PEAK1: variants seen among roughly 807,000 people sequenced by gnomAD.
PEAK1 encodes the protein pseudopodium enriched atypical kinase 1, also known as inactive tyrosine-protein kinase PEAK1.
A neutral mutation model predicts 124.7 loss-of-function variants in PEAK1; 54 were observed. That is an observed-to-expected ratio of 0.43 (90% CI 0.35 to 0.54). The LOEUF (loss-of-function observed/expected upper bound fraction) is 0.54. PEAK1 is among the 20% of genes least tolerant of loss of function. PEAK1 has a pLI of 0.01. For missense variants in PEAK1, 2,046 were observed against 2,134.5 expected, an observed-to-expected ratio of 0.96 and a Z score of 0.82; for synonymous variants, 719 against 760.0, an observed-to-expected ratio of 0.95 and a Z score of 0.89.
intron 5 of PEAK1, chr15:77,255,441 G>T (rs963531000): frequency 3.4e-6 from 3 of 894,598 alleles, no homozygotes; most frequent in Non-Finnish European, 4.0e-6. Context: ...AGAAAAGAAA[G>T]AAGTTACCTT....
At chr15:77,408,876 T>C (rs974093229) in intron 1 of PEAK1, among the ~76,000 whole-genome samples, 1 of 152,056 alleles carries the variant, frequency 6.6e-6, no homozygotes, top group Non-Finnish European at 1.5e-5. Context: ...TTTGCAATCA[T>C]CCTGGGCAAC....
intron 7 of PEAK1, among the ~76,000 whole-genome samples, chr15:77,162,302 T>A (rs1305729689): frequency 1.3e-5 from 2 of 151,914 alleles, no homozygotes; most frequent in Non-Finnish European, 2.9e-5. Context: ...GAGATCAGCC[T>A]GGCTAACATG....
intron 2 of PEAK1, among the ~76,000 whole-genome samples, chr15:77,289,733 G>T (rs900412863): frequency 6.6e-6 from 1 of 152,060 alleles, no homozygotes; most frequent in Non-Finnish European, 1.5e-5. Context: ...CTACTCAGGA[G>T]GCTGAGGCAG....
chr15:77,360,872 ACAAAAAT>A (rs2067844060), intron 2 of PEAK1, among the ~76,000 whole-genome samples: 1 of 152,154 alleles, frequency 6.6e-6, no homozygotes, highest in South Asian at 2.1e-4. Flanking sequence ...CTCACCCTAT[ACAAAAAT>A]CAACTCACAA....
intron 1 of PEAK1, chr15:77,403,252 A>G: frequency 1.0e-6 from 1 of 985,430 alleles, no homozygotes; most frequent in Middle Eastern, 5.2e-4. Context: ...CTATCTCCCA[A>G]TACCAACAAC....
intron 6 of PEAK1, among the ~76,000 whole-genome samples, chr15:77,225,741 T>C (rs1483880815): frequency 7.2e-6 from 1 of 138,362 alleles, no homozygotes; most frequent in Non-Finnish European, 1.5e-5. Flanking sequence ...AAGCATGAAG[T>C]TATGTAATCT....
rs768169502 is a variant in PEAK1, at chr15:77,133,523, T to C, written c.3559A>G (p.Thr1187Ala). Reference sequence around the variant, plus strand: ...TCCCAGTTGGGGTCGATATCATAGGTGGGATTAGCCATGACACAAAGACTA... The same window carrying C: ...TCCCAGTTGGGGTCGATATCATAGGCGGGATTAGCCATGACACAAAGACTA... ...ESSLCVMANP[T>A]YDIDPNWDAS... The change falls in exon 9 of 10, where the codon ACC becomes GCC. Residue 1187 changes from threonine to alanine, a missense_variant. By Grantham distance (58) the Thr-to-Ala change is moderately conservative. Coordinates refer to ENST00000682557, the MANE Select transcript of PEAK1 (RefSeq NM_001385026.1). The surrounding 1 kb of genome is among the most constrained non-coding windows in gnomAD (Gnocchi z 4.2). 1.9e-6 allele frequency: 3 copies of C among 1,614,102 alleles called. No homozygotes were observed. Among genetic ancestry groups the C allele is most frequent in the East Asian group, 2.2e-5 (1 of 44,878 alleles).
chr15:77,418,455 T>A, intron 1 of PEAK1: 1 of 985,400 alleles, frequency 1.0e-6, no homozygotes, highest in South Asian at 4.7e-5. Flanking sequence ...TTTTTTCACA[T>A]AGTTTGTGAG....
chr15:77,229,115 G>A (rs1186919158), intron 6 of PEAK1, among the ~76,000 whole-genome samples: 1 of 152,076 alleles, frequency 6.6e-6, no homozygotes, highest in African/African-American at 2.4e-5. Flanking sequence ...AGAGACTGTG[G>A]AGTACTCAAC....
chr15:77,343,706 A>C (rs1335139787), intron 2 of PEAK1, among the ~76,000 whole-genome samples: 1 of 151,946 alleles, frequency 6.6e-6, no homozygotes, highest in East Asian at 1.9e-4. Flanking sequence ...GGCTAGTCAC[A>C]AACTCCTGAC....
intron 5 of PEAK1, among the ~76,000 whole-genome samples, chr15:77,276,540 A>G (rs1186750779): frequency 6.6e-6 from 1 of 152,150 alleles, no homozygotes; most frequent in African/African-American, 2.4e-5. Context: ...TTATAGAGAA[A>G]GGAGAATTTC....
chr15:77,151,617 TTTC>T (rs1172627130), intron 8 of PEAK1, among the ~76,000 whole-genome samples: 1 of 152,162 alleles, frequency 6.6e-6, no homozygotes, highest in Non-Finnish European at 1.5e-5. Context: ...TTGCCTAGGT[TTTC>T]TTCTAGGGTT....
Position 77,114,036 on chromosome 15 carries a change from G to A in PEAK1, c.*120C>T, listed in dbSNP as rs1379766084. Reference sequence around the variant, plus strand: ...TTCTGAATAGACCCACTTGTTCACGGACAGGGATAGAGGTTTGCCTTTCTT... The same window carrying A: ...TTCTGAATAGACCCACTTGTTCACGAACAGGGATAGAGGTTTGCCTTTCTT... On this transcript the variant is annotated 3_prime_UTR_variant, in exon 10 of 10. Coordinates refer to ENST00000682557, the MANE Select transcript of PEAK1 (RefSeq NM_001385026.1). 2.8e-6 allele frequency: 3 copies of A among 1,068,560 alleles called. No individual in the cohort carries two copies. In the African/African-American group the frequency reaches 4.7e-5, roughly 17 times the overall value. The allele number at this position is 1,068,560 out of a possible 1,614,324, so 66.2% of individuals were successfully genotyped here. A position where few individuals can be genotyped will look rare whatever the true frequency, so the allele number is the denominator to read the frequency against.
intron 1 of PEAK1, among the ~76,000 whole-genome samples, chr15:77,390,717 T>G (rs1414897843): frequency 6.6e-6 from 1 of 152,180 alleles, no homozygotes; most frequent in African/African-American, 2.4e-5. Context: ...GACTATAAAT[T>G]AGACACTATT....
chr15:77,350,918 T>C, intron 2 of PEAK1: 2 of 985,420 alleles, frequency 2.0e-6, no homozygotes, highest in Non-Finnish European at 2.4e-6. Flanking sequence ...TGGCCCTCTA[T>C]TTAGAGCAAT....
intron 6 of PEAK1, among the ~76,000 whole-genome samples, chr15:77,189,383 T>C (rs2057715920): frequency 6.6e-6 from 1 of 152,196 alleles, no homozygotes; most frequent in Admixed American, 6.5e-5. Context: ...TATAGCTTCA[T>C]GGCATCTGGA....
chr15:77,285,777 C>T (rs1463320444), intron 3 of PEAK1, among the ~76,000 whole-genome samples: 2 of 152,044 alleles, frequency 1.3e-5, no homozygotes, highest in Non-Finnish European at 2.9e-5. Flanking sequence ...GGCTAGCGGT[C>T]TATTTTGCTG....
At chr15:77,352,572 T>A in intron 2 of PEAK1, 2 of 943,780 alleles carry the variant, frequency 2.1e-6, no homozygotes, top group South Asian at 4.9e-5. Flanking sequence ...TGTCATTTTT[T>A]AATATATATA....
intron 2 of PEAK1, among the ~76,000 whole-genome samples, chr15:77,328,085 T>C (rs1439864636): frequency 6.6e-6 from 1 of 152,170 alleles, no homozygotes; most frequent in Non-Finnish European, 1.5e-5. Flanking sequence ...CACTCTCCAA[T>C]GGCAAAAGAT....
Sources: allele counts gnomAD v4.1 joint callset (sites outside exome capture counted in the v4.1 genomes callset), GRCh38; gene constraint gnomAD v4.1.1; non-coding constraint Gnocchi (gnomAD v3.1); transcripts MANE v1.5; gene names NCBI Gene and HGNC (gene_info 2026-07-23, HGNC 2026-07-21).